ITSN1: variants seen among roughly 807,000 people sequenced by gnomAD.
ITSN1 encodes the protein intersectin 1, also known as intersectin-1.
ITSN1 carries 58 observed loss-of-function variants against 239.8 expected under a neutral mutation model. The observed-to-expected ratio is 0.24, with a 90% CI of 0.20 to 0.30. The LOEUF (loss-of-function observed/expected upper bound fraction) is 0.30, where lower values mean the gene tolerates loss of function less well. Ranked by LOEUF, ITSN1 falls within the 10% of genes least tolerant of loss-of-function variation. The pLI is 1.00. For missense variants in ITSN1, 1,558 were observed against 2,103.3 expected (o/e 0.74, Z 5.07); for synonymous variants, 780 against 770.8 (o/e 1.01, Z -0.20).
chr21:33,880,458 G>A (rs921967869), intron 34 of ITSN1, among the ~76,000 whole-genome samples: 1 of 152,144 alleles, frequency 6.6e-6, no homozygotes, highest in Non-Finnish European at 1.5e-5. Flanking sequence ...GGTGAAGAAT[G>A]TTCTTTGAAG....
chr21:33,660,520 T>G (rs1171030055), intron 1 of ITSN1, among the ~76,000 whole-genome samples: 1 of 152,218 alleles, frequency 6.6e-6, no homozygotes, highest in African/African-American at 2.4e-5. Context: ...GTGGCCTTGT[T>G]TTACATTTTT....
intron 1 of ITSN1, among the ~76,000 whole-genome samples, chr21:33,672,261 C>T (rs1217421723): frequency 6.6e-6 from 1 of 151,928 alleles, no homozygotes; most frequent in South Asian, 2.1e-4. Context: ...TTAATTTTAT[C>T]TAATTCACGT....
At chr21:33,707,103 A>G (rs895473807) in intron 1 of ITSN1, among the ~76,000 whole-genome samples, 6 of 152,250 alleles carry the variant, frequency 3.9e-5, no homozygotes, top group South Asian at 4.1e-4. Flanking sequence ...AAGAATTGCT[A>G]TGTCTCTTGG....
intron 1 of ITSN1, among the ~76,000 whole-genome samples, chr21:33,671,982 G>A (rs1222755737): frequency 1.3e-5 from 2 of 151,870 alleles, no homozygotes; most frequent in Admixed American, 6.6e-5. Flanking sequence ...GTGACTCAAC[G>A]CCTGTAATTC....
chr21:33,857,826 C>A (rs558461020), intron 30 of ITSN1, among the ~76,000 whole-genome samples: 4 of 152,134 alleles, frequency 2.6e-5, no homozygotes, highest in Non-Finnish European at 5.9e-5. Flanking sequence ...GCAAAACGCA[C>A]CACCATATGT....
chr21:33,683,675 G>T (rs924461946), intron 1 of ITSN1, among the ~76,000 whole-genome samples: 10 of 151,908 alleles, frequency 6.6e-5, no homozygotes, highest in African/African-American at 2.2e-4. Context: ...TTACTAAAAG[G>T]TACCTTTTGT....
Position 33,888,708 on chromosome 21 carries a change from CA to C in ITSN1, c.*409del. 6.5e-6 allele frequency: 1 copy of C among 155,008 alleles called. No individual in the cohort carries two copies. Among genetic ancestry groups the C allele is most frequent in the Non-Finnish European group, 1.4e-5 (1 of 69,922 alleles). 9.6% of individuals were successfully genotyped at this position (155,008 alleles called of 1,614,324 possible). A position where few individuals can be genotyped will look rare whatever the true frequency, so the allele number is the denominator to read the frequency against. On this transcript the variant is annotated 3_prime_UTR_variant, in exon 40 of 40. Transcript: ENST00000381318. ...TAACCCTCCTGTTTCTTACATCCACCAGTCCCCAAGTAGACTTCTTGGCCTA... is the reference window on the plus strand; with the variant it reads ...TAACCCTCCTGTTTCTTACATCCACCGTCCCCAAGTAGACTTCTTGGCCTA...
intron 22 of ITSN1, chr21:33,817,906 A>G (rs2073396184): frequency 3.1e-6 from 1 of 325,430 alleles, no homozygotes; most frequent in East Asian, 7.7e-5. Context: ...TGCCAGTCAA[A>G]TTGGAAATGG....
chr21:33,746,146 A>AG (rs914441229), intron 5 of ITSN1, among the ~76,000 whole-genome samples: 3 of 152,200 alleles, frequency 2.0e-5, no homozygotes, highest in African/African-American at 7.2e-5. Context: ...CAGAACCATC[A>AG]GGGGCTGCAC....
In ITSN1 at chr21:33,848,983, G is replaced by A. The variant is rs1314528090; in HGVS notation, c.3662-7753G>A. Among the ~76,000 whole-genome samples, 5 of 152,252 alleles carry A rather than the reference G, an allele frequency of 3.3e-5. No individual in the cohort carries two copies. In the East Asian group the frequency reaches 9.6e-4, roughly 29 times the overall value. On this transcript the variant is annotated intron_variant, in intron 29 of 39. Coordinates refer to ENST00000381318, the MANE Select transcript of ITSN1 (RefSeq NM_003024.3). The stretch of plus-strand genomic sequence containing the variant: ...TGGCCGAGTGTGGTGGCTCACGCCT[G>A]TAATCCCAGCACTTTGGGAGGCCGA...
At chr21:33,655,449 T>C (rs1444228976) in intron 1 of ITSN1, among the ~76,000 whole-genome samples, 1 of 151,928 alleles carries the variant, frequency 6.6e-6, no homozygotes, top group Non-Finnish European at 1.5e-5. Context: ...GGCAGAGTCT[T>C]ACTCTGTCAC....
At chr21:33,796,757 A>C (rs995582951) in intron 17 of ITSN1, among the ~76,000 whole-genome samples, 1 of 152,212 alleles carries the variant, frequency 6.6e-6, no homozygotes, top group African/African-American at 2.4e-5. Context: ...GTCATTTGTT[A>C]TTACATATTA....
intron 1 of ITSN1, among the ~76,000 whole-genome samples, chr21:33,696,089 A>G (rs1252940449): frequency 6.6e-6 from 1 of 152,242 alleles, no homozygotes; most frequent in Non-Finnish European, 1.5e-5. Context: ...TAGGTCACTT[A>G]GCAGAGCGCA....
rs1324361880 is a variant in ITSN1 at position 33,642,703 on chromosome 21, C to T, written c.-43C>T. 1 of 152,776 alleles carries T rather than the reference C, an allele frequency of 6.5e-6. No homozygotes were observed. The highest frequency in any genetic ancestry group is 1.5e-5 in the Non-Finnish European group (1 of 68,358). The allele number at this position is 152,776 out of a possible 1,614,324, so 9.5% of individuals were successfully genotyped here. On this transcript the variant is annotated 5_prime_UTR_variant, in exon 1 of 40. Coordinates refer to ENST00000381318, the MANE Select transcript of ITSN1 (RefSeq NM_003024.3). ...CCCTGGGGCGGCAGCGCGGACCCGC[C>T]CGGAGATGAGGTGAGGAGAGGGCTG...
intron 22 of ITSN1, chr21:33,817,673 T>C (rs1168732904): frequency 7.6e-6 from 9 of 1,187,000 alleles, no homozygotes; most frequent in Non-Finnish European, 9.6e-6. Context: ...AGAGACTGTT[T>C]TTTTCATCTG....
chr21:33,789,710 A>T (rs1290416424), intron 16 of ITSN1, among the ~76,000 whole-genome samples: 1 of 152,174 alleles, frequency 6.6e-6, no homozygotes. Flanking sequence ...TGTATTTTTG[A>T]GTGTCTCTAA....
intron 1 of ITSN1, among the ~76,000 whole-genome samples, chr21:33,717,328 C>G (rs1477840848): frequency 2.0e-5 from 3 of 151,898 alleles, no homozygotes; most frequent in Non-Finnish European, 2.9e-5. Context: ...TCCTGAGTAG[C>G]TGGGACTACA....
intron 1 of ITSN1, among the ~76,000 whole-genome samples, chr21:33,668,545 T>TA (rs762884461): frequency 6.6e-6 from 1 of 152,210 alleles, no homozygotes; most frequent in Non-Finnish European, 1.5e-5. Flanking sequence ...GTCCACGACC[T>TA]TTGCTGGGGT....
intron 1 of ITSN1, among the ~76,000 whole-genome samples, chr21:33,690,372 G>A (rs1006111949): frequency 1.3e-4 from 19 of 151,976 alleles, no homozygotes; most frequent in African/African-American, 4.4e-4. Context: ...GGCTGAGGCA[G>A]GAGGATCACG....
Sources: allele counts gnomAD v4.1 joint callset (sites outside exome capture counted in the v4.1 genomes callset), GRCh38; gene constraint gnomAD v4.1.1; transcripts MANE v1.5; gene names NCBI Gene and HGNC (gene_info 2026-07-23, HGNC 2026-07-21).